The following AIG1 variants were observed in gnomAD, a reference collection of about 807,000 sequenced individuals.
The protein encoded by AIG1 is androgen-induced gene 1 protein.
AIG1 carries 23 observed loss-of-function variants against 31.4 expected under a neutral mutation model. The ratio of observed to expected loss-of-function variants is 0.73; its 90% CI spans 0.53 to 1.04. The LOEUF (loss-of-function observed/expected upper bound fraction) is 1.04. Ranked by LOEUF, AIG1 falls within the 50% of genes least tolerant of loss-of-function variation. The pLI is 0.00. For synonymous variants in AIG1, 100 were observed against 110.5 expected (o/e 0.90, Z 0.60); for missense variants, 274 against 295.0 (o/e 0.93, Z 0.52).
chr6:143,071,420 A>G (rs544989796), intron 1 of AIG1, among the ~76,000 whole-genome samples: 10 of 152,218 alleles, frequency 6.6e-5, no homozygotes, highest in Non-Finnish European at 7.3e-5. Flanking sequence ...TTGTGTGACC[A>G]TAAGTTTTTA....
At chr6:143,070,473 C>G (rs1434573312) in intron 1 of AIG1, among the ~76,000 whole-genome samples, 3 of 151,556 alleles carry the variant, frequency 2.0e-5, no homozygotes, top group African/African-American at 7.3e-5. Context: ...TTTTTATTTT[C>G]TTAGTCCATT....
intron 1 of AIG1, among the ~76,000 whole-genome samples, chr6:143,117,360 A>G (rs1400548057): frequency 6.6e-6 from 1 of 152,190 alleles, no homozygotes; most frequent in Non-Finnish European, 1.5e-5. Context: ...CCCACAACCC[A>G]GGGAGATGTG....
At chr6:143,089,592 A>G (rs919921356) in intron 1 of AIG1, among the ~76,000 whole-genome samples, 1 of 152,222 alleles carries the variant, frequency 6.6e-6, no homozygotes, top group Non-Finnish European at 1.5e-5. Flanking sequence ...TTATAGAGGA[A>G]AAAGATTTAT....
chr6:143,243,388 G>C (rs1409752486), intron 3 of AIG1, among the ~76,000 whole-genome samples: 1 of 152,070 alleles, frequency 6.6e-6, no homozygotes, highest in Non-Finnish European at 1.5e-5. Context: ...AACACTAATA[G>C]AAGTTTCAAA....
chr6:143,253,456 T>G (rs1210648842), intron 3 of AIG1, among the ~76,000 whole-genome samples: 2 of 152,228 alleles, frequency 1.3e-5, no homozygotes, highest in East Asian at 3.8e-4. Flanking sequence ...AAATTTCAAG[T>G]TGGAGTCCTG....
chr6:143,130,153 T>C (rs1783083391), intron 1 of AIG1, among the ~76,000 whole-genome samples: 1 of 151,844 alleles, frequency 6.6e-6, no homozygotes, highest in Non-Finnish European at 1.5e-5. Context: ...ATAGTCTTGA[T>C]CTCTTGACCT....
chr6:143,247,366 A>G (rs529938455), intron 3 of AIG1, among the ~76,000 whole-genome samples: 2 of 152,276 alleles, frequency 1.3e-5, no homozygotes, highest in Admixed American at 1.3e-4. Context: ...TCCTAACCTC[A>G]TAATCCACCC....
At chr6:143,319,578 T>G (rs1776037067) in intron 4 of AIG1, among the ~76,000 whole-genome samples, 1 of 152,098 alleles carries the variant, frequency 6.6e-6, no homozygotes, top group Non-Finnish European at 1.5e-5. Context: ...ACAAAAGAAC[T>G]TATCCATGTA....
At chr6:143,091,435 AT>A (rs1181139839) in intron 1 of AIG1, among the ~76,000 whole-genome samples, 1 of 152,254 alleles carries the variant, frequency 6.6e-6, no homozygotes, top group Admixed American at 6.5e-5. Flanking sequence ...GCAACTGCAG[AT>A]TATAATGAGC....
intron 2 of AIG1, among the ~76,000 whole-genome samples, chr6:143,137,768 T>G (rs145257986): frequency 6.6e-6 from 1 of 152,348 alleles, no homozygotes; most frequent in East Asian, 1.9e-4. Context: ...CTACAGATTT[T>G]AACCTCTGTG....
intron 1 of AIG1, among the ~76,000 whole-genome samples, chr6:143,064,634 G>A (rs754829624): frequency 7.9e-5 from 12 of 152,310 alleles, no homozygotes; most frequent in Non-Finnish European, 1.5e-4. Context: ...AACTCTTTTT[G>A]TACTTATATG....
intron 3 of AIG1, among the ~76,000 whole-genome samples, chr6:143,273,053 C>T (rs750418977): frequency 1.3e-5 from 2 of 152,074 alleles, no homozygotes; most frequent in African/African-American, 2.4e-5. Context: ...TGCTTGAACC[C>T]GGGAGGCGGA....
At chr6:143,243,293 T>C (rs967485113) in intron 3 of AIG1, among the ~76,000 whole-genome samples, 9 of 152,186 alleles carry the variant, frequency 5.9e-5, no homozygotes, top group African/African-American at 2.2e-4. Context: ...TCTAAAACAA[T>C]TCAAGAGGAC....
At chr6:143,087,601 C>T (rs1304705747) in intron 1 of AIG1, among the ~76,000 whole-genome samples, 1 of 152,200 alleles carries the variant, frequency 6.6e-6, no homozygotes, top group Non-Finnish European at 1.5e-5. Context: ...CGAGCGAAAG[C>T]TCAGCTCAAG....
chr6:143,113,975 C>T (rs374691331), intron 1 of AIG1, among the ~76,000 whole-genome samples: 104 of 152,076 alleles, frequency 6.8e-4, no homozygotes, highest in African/African-American at 2.3e-3. Context: ...GGGGTTTCAC[C>T]GTGTTAGGCA....
chr6:143,088,722 G>T (rs1779028743), intron 1 of AIG1, among the ~76,000 whole-genome samples: 1 of 152,144 alleles, frequency 6.6e-6, no homozygotes, highest in Admixed American at 6.5e-5. Context: ...AAGTCAGAGG[G>T]TCAGCATGCC....
intron 1 of AIG1, chr6:143,099,577 T>G (rs1177199739): frequency 6.6e-6 from 1 of 152,200 alleles, no homozygotes; most frequent in Non-Finnish European, 1.5e-5. Context: ...TGTGTTTATA[T>G]CCTCCTCCTT....
In AIG1 at chr6:143,211,635, G is replaced by A. The variant is rs561066529; in HGVS notation, c.399+46452G>A. 2.0e-5 allele frequency among the ~76,000 whole-genome samples: 3 copies of A among 152,294 alleles called. No individual in the cohort carries two copies. The South Asian group carries it at 6.2e-4, about 32-fold the overall frequency. Reference sequence around the variant, plus strand: ...TGGCCAGGTGTGGTGGCTCATGCCTGTAATCCCAGCACTTTGGGAGGCTGA... The same window carrying A: ...TGGCCAGGTGTGGTGGCTCATGCCTATAATCCCAGCACTTTGGGAGGCTGA... On this transcript the variant is annotated intron_variant, in intron 3 of 5. Coordinates refer to ENST00000357847, the MANE Select transcript of AIG1 (RefSeq NM_016108.4).
At chr6:143,254,077 G>A (rs768136383) in intron 3 of AIG1, among the ~76,000 whole-genome samples, 1 of 152,152 alleles carries the variant, frequency 6.6e-6, no homozygotes, top group Non-Finnish European at 1.5e-5. Flanking sequence ...GGGAGAAAGC[G>A]CCTTTTCAAA....
Sources: allele counts gnomAD v4.1 joint callset (sites outside exome capture counted in the v4.1 genomes callset), GRCh38; gene constraint gnomAD v4.1.1; transcripts MANE v1.5; gene names NCBI Gene and HGNC (gene_info 2026-07-23, HGNC 2026-07-21).